The following PKNOX2 variants were observed in gnomAD, a reference collection of about 807,000 sequenced individuals.
PKNOX2 encodes homeobox protein PKNOX2.
In PKNOX2, 14 loss-of-function variants were observed where a neutral mutation model predicts 53.1. The ratio of observed to expected loss-of-function variants is 0.26; its 90% confidence interval spans 0.17 to 0.41. The LOEUF is 0.41. Ranked by LOEUF, PKNOX2 falls within the 10% of genes least tolerant of loss-of-function variation. The pLI, the probability that PKNOX2 is intolerant of heterozygous loss-of-function variation, is 1.00. For synonymous variants in PKNOX2, 257 were observed against 242.8 expected, an observed-to-expected ratio of 1.06 and a Z score of -0.54; for missense variants, 496 against 602.8, an observed-to-expected ratio of 0.82 and a Z score of 1.85.
intron 3 of PKNOX2, among the ~76,000 whole-genome samples, chr11:125,348,526 G>T (rs1187411693): frequency 6.6e-6 from 1 of 152,200 alleles, no homozygotes; most frequent in African/African-American, 2.4e-5. Flanking sequence ...TTCTTTCGAC[G>T]CGGGTCTGGC....
At chr11:125,297,485 C>T (rs1238638365) in intron 2 of PKNOX2, among the ~76,000 whole-genome samples, 1 of 152,190 alleles carries the variant, frequency 6.6e-6, no homozygotes, top group Non-Finnish European at 1.5e-5. Flanking sequence ...AGTCTGACAG[C>T]ATGAGTAGGA....
chr11:125,365,491 A>C (rs1215087738), intron 4 of PKNOX2, among the ~76,000 whole-genome samples: 1 of 152,190 alleles, frequency 6.6e-6, no homozygotes, highest in Non-Finnish European at 1.5e-5. Flanking sequence ...TAGAAGTGTT[A>C]AATTTTAACT....
intron 5 of PKNOX2, among the ~76,000 whole-genome samples, chr11:125,369,220 C>T (rs80103631): frequency 0.03 from 4,498 of 152,292 alleles, 241 homozygotes; most frequent in African/African-American, 0.1. Context: ...CGGATCCTGG[C>T]ACCAGGGGCC....
chr11:125,222,591 G>GTGTGTGTGTGTC (rs1183095296), intron 1 of PKNOX2, among the ~76,000 whole-genome samples: 5 of 147,160 alleles, frequency 3.4e-5, no homozygotes, highest in African/African-American at 1.3e-4. Flanking sequence ...CTCCTGGTGT[G>GTGTGTGTGTGTC]TGTGTGTGTG....
intron 2 of PKNOX2, among the ~76,000 whole-genome samples, chr11:125,297,346 C>A (rs929649067): frequency 6.6e-6 from 1 of 152,124 alleles, no homozygotes; most frequent in Non-Finnish European, 1.5e-5. Context: ...GTATGCCAGG[C>A]CTTCTGCTAA....
intron 1 of PKNOX2, among the ~76,000 whole-genome samples, chr11:125,224,849 A>G (rs1032339266): frequency 6.6e-6 from 1 of 152,182 alleles, no homozygotes; most frequent in African/African-American, 2.4e-5. Context: ...TTATTTATGA[A>G]ACAATATTCA....
At position 125,431,315 on chromosome 11, in the gene PKNOX2, C is replaced by T; in HGVS notation, c.1342C>T (p.Leu448=). The T allele has an allele frequency of 6.2e-7, 1 of 1,612,582 alleles. No individual in the cohort carries two copies. Among genetic ancestry groups the T allele is most frequent in the South Asian group, 1.1e-5 (1 of 90,968 alleles). ...DEMEEEEEEE[L]EEEVDELQTT... is the part of the protein sequence containing the mutation. ...GATGGAAGAGGAGGAGGAGGAGGAG[C>T]TGGAGGAGGAGGTCGACGAGCTGCA... Residue 448 remains leucine, a synonymous_variant, in exon 13 of 13, where the codon CTG becomes TTG. Coordinates refer to ENST00000298282, the MANE Select transcript of PKNOX2 (RefSeq NM_001382323.2).
rs376990866 is a variant in PKNOX2 at position 125,378,747 on chromosome 11, A to G, written c.228-6804A>G. ...ACAGAGTGGCATGACTGTGAATCAC[A>G]AAGTTTATCACCCAGAAAGAGAACT... On this transcript the variant is annotated intron_variant, in intron 5 of 12. Coordinates refer to ENST00000298282, the MANE Select transcript of PKNOX2 (RefSeq NM_001382323.2). 1.8e-3 allele frequency among the ~76,000 whole-genome samples: 278 copies of G among 152,294 alleles called. 4 individuals carry two copies. The South Asian group carries it at 0.033, about 18-fold the overall frequency.
At chr11:125,227,984 G>T (rs1442046157) in intron 1 of PKNOX2, among the ~76,000 whole-genome samples, 4 of 152,152 alleles carry the variant, frequency 2.6e-5, no homozygotes, top group Admixed American at 1.3e-4. Context: ...TGCTGGTCCT[G>T]GCTGGAGCAA....
At chr11:125,428,431 G>A (rs1205189839) in intron 10 of PKNOX2, among the ~76,000 whole-genome samples, 1 of 152,110 alleles carries the variant, frequency 6.6e-6, no homozygotes, top group Non-Finnish European at 1.5e-5. Flanking sequence ...TTTCAATGAT[G>A]TGCTTTATTA....
chr11:125,339,727 G>GC (rs1328718822), intron 3 of PKNOX2, among the ~76,000 whole-genome samples: 1 of 152,358 alleles, frequency 6.6e-6, no homozygotes, highest in African/African-American at 2.4e-5. Context: ...GCCGCCAAGA[G>GC]CAGGGTGAGG....
chr11:125,385,987 C>T (rs1435774482), intron 6 of PKNOX2, among the ~76,000 whole-genome samples: 1 of 152,214 alleles, frequency 6.6e-6, no homozygotes, highest in Non-Finnish European at 1.5e-5. Context: ...CACCCTTTTA[C>T]AGTGCAGACA....
intron 1 of PKNOX2, among the ~76,000 whole-genome samples, chr11:125,221,279 G>T (rs1941122734): frequency 1.3e-5 from 2 of 152,208 alleles, no homozygotes; most frequent in Admixed American, 1.3e-4. Flanking sequence ...TCCACCCAGG[G>T]GCACCTTGGT....
chr11:125,407,968 T>C lies in PKNOX2; in HGVS notation c.589-2228T>C, dbSNP rs139341112. On this transcript the variant is annotated intron_variant, in intron 7 of 12. Transcript: ENST00000298282. The stretch of plus-strand genomic sequence containing the variant: ...GGCCCACAGAAGGGTGGTGACGAGA[T>C]TGCCTTTCCTCCAGTGCCCACGCTG... 6.0e-3 allele frequency among the ~76,000 whole-genome samples: 918 copies of C among 152,262 alleles called. 7 individuals carry two copies. The highest frequency in any genetic ancestry group is 0.011 in the Non-Finnish European group (726 of 68,008).
At chr11:125,283,947 G>A (rs1946735971) in intron 2 of PKNOX2, among the ~76,000 whole-genome samples, 1 of 152,170 alleles carries the variant, frequency 6.6e-6, no homozygotes, top group Non-Finnish European at 1.5e-5. Flanking sequence ...GCTTGGGAAA[G>A]TGATATAACA....
intron 1 of PKNOX2, among the ~76,000 whole-genome samples, chr11:125,203,932 T>G (rs1003407610): frequency 6.6e-6 from 1 of 152,196 alleles, no homozygotes; most frequent in African/African-American, 2.4e-5. Flanking sequence ...CAAACCATGC[T>G]TCACTTTCAC....
At chr11:125,194,344 A>T (rs1018612422) in intron 1 of PKNOX2, among the ~76,000 whole-genome samples, 1 of 152,134 alleles carries the variant, frequency 6.6e-6, no homozygotes, top group Non-Finnish European at 1.5e-5. Flanking sequence ...GTCTTTGCTG[A>T]TGCTTCTCAT....
At chr11:125,386,133 A>G (rs559128599) in intron 6 of PKNOX2, among the ~76,000 whole-genome samples, 5 of 152,324 alleles carry the variant, frequency 3.3e-5, no homozygotes, top group African/African-American at 1.2e-4. Flanking sequence ...ATGGAGGATG[A>G]AGGTATTAAT....
At chr11:125,260,865 C>A (rs1233558184) in intron 2 of PKNOX2, among the ~76,000 whole-genome samples, 1 of 152,150 alleles carries the variant, frequency 6.6e-6, no homozygotes, top group Non-Finnish European at 1.5e-5. Flanking sequence ...ACAGGAGAAA[C>A]TAGCAAAGAG....
Sources: gnomAD v4.1 joint callset for allele counts (sites outside exome capture counted in the v4.1 genomes callset) on GRCh38, gnomAD v4.1.1 for gene constraint, MANE v1.5 for transcripts, NCBI Gene and HGNC (gene_info 2026-07-23, HGNC 2026-07-21) for gene names.